Variants in RALGPS2 observed in about 807,000 individuals in gnomAD.
RALGPS2 encodes Ral GEF with PH domain and SH3 binding motif 2, also known as ras-specific guanine nucleotide-releasing factor RalGPS2.
In RALGPS2, 43 loss-of-function variants were observed where a neutral mutation model predicts 86.8. The ratio of observed to expected loss-of-function variants is 0.50; its 90% CI spans 0.39 to 0.64. The LOEUF is 0.64. RALGPS2 is among the 30% of genes least tolerant of loss of function. RALGPS2 has a pLI of 0.00. For synonymous variants in RALGPS2, 243 were observed against 231.3 expected (o/e 1.05, Z -0.46); for missense variants, 536 against 694.6 (o/e 0.77, Z 2.57).
intron 1 of RALGPS2, among the ~76,000 whole-genome samples, chr1:178,767,560 C>G (rs939159897): frequency 6.6e-6 from 1 of 152,032 alleles, no homozygotes; most frequent in South Asian, 2.1e-4. Flanking sequence ...ATGCAAAGGC[C>G]GTATCCTTGC....
chr1:178,891,192 CAT>C (rs540631314), intron 14 of RALGPS2, among the ~76,000 whole-genome samples: 43 of 152,072 alleles, frequency 2.8e-4, no homozygotes, highest in Middle Eastern at 3.4e-3. Context: ...GCTTTGCAGA[CAT>C]GTGTGGCTAA....
At chr1:178,889,079 G>A (rs1361036691) in intron 13 of RALGPS2, among the ~76,000 whole-genome samples, 2 of 151,882 alleles carry the variant, frequency 1.3e-5, no homozygotes, top group Non-Finnish European at 2.9e-5. Context: ...TCTGTTTGAA[G>A]ACCATTTTAT....
intron 2 of RALGPS2, among the ~76,000 whole-genome samples, chr1:178,778,134 A>G (rs1360206529): frequency 7.8e-6 from 1 of 128,094 alleles, no homozygotes; most frequent in Non-Finnish European, 1.6e-5. Context: ...AAATTTTCAC[A>G]ACCTACTCAT....
chr1:178,805,434 C>G (rs551674002), intron 4 of RALGPS2, among the ~76,000 whole-genome samples: 65 of 151,484 alleles, frequency 4.3e-4, no homozygotes, highest in African/African-American at 1.5e-3. Context: ...AGTCTTTAAT[C>G]CATCTTGAAT....
In RALGPS2 at chr1:178,728,321, A is replaced by G. The variant is rs183316985; in HGVS notation, c.-84+2902A>G. On this transcript the variant is annotated intron_variant, in intron 1 of 19. Transcript: ENST00000367635. The stretch of plus-strand genomic sequence containing the variant: ...TTAAATAACTTTTAAACCATAAACC[A>G]AACTATTAATTGAAATTTATTGAAT... Among the ~76,000 whole-genome samples, 193 of 152,198 alleles carry G rather than the reference A, an allele frequency of 1.3e-3. 2 individuals are homozygous for G. The highest frequency in any genetic ancestry group is 4.3e-3 in the African/African-American group (177 of 41,538).
At chr1:178,802,214 G>C (rs562274604) in intron 4 of RALGPS2, among the ~76,000 whole-genome samples, 1 of 151,848 alleles carries the variant, frequency 6.6e-6, no homozygotes, top group Non-Finnish European at 1.5e-5. Flanking sequence ...TATTCTTAAA[G>C]TAAGCTAGAA....
At chr1:178,781,693 A>G (rs1489110060) in intron 2 of RALGPS2, among the ~76,000 whole-genome samples, 2 of 152,224 alleles carry the variant, frequency 1.3e-5, no homozygotes, top group African/African-American at 2.4e-5. Flanking sequence ...AAAAACTTGG[A>G]GAAAATTACT....
chr1:178,732,262 A>G (rs1478397095), intron 1 of RALGPS2, among the ~76,000 whole-genome samples: 1 of 151,608 alleles, frequency 6.6e-6, no homozygotes, highest in African/African-American at 2.4e-5. Context: ...CACTTGAGAT[A>G]CATGGTTCTG....
intron 1 of RALGPS2, among the ~76,000 whole-genome samples, chr1:178,770,709 T>C (rs1652761833): frequency 6.6e-6 from 1 of 151,758 alleles, no homozygotes; most frequent in East Asian, 1.9e-4. Flanking sequence ...ACTCCTAATC[T>C]CAGGTGATCC....
At chr1:178,737,316 G>T (rs1314876073) in intron 1 of RALGPS2, among the ~76,000 whole-genome samples, 2 of 152,076 alleles carry the variant, frequency 1.3e-5, no homozygotes, top group African/African-American at 4.8e-5. Flanking sequence ...GCATGATCTT[G>T]GCTCACTGCA....
chr1:178,907,326 T>C (rs1183412313), intron 19 of RALGPS2, among the ~76,000 whole-genome samples: 3 of 152,182 alleles, frequency 2.0e-5, no homozygotes, highest in East Asian at 1.9e-4. Flanking sequence ...GCTAGTATAG[T>C]AGTCAGAGTA....
intron 19 of RALGPS2, 54 bp from the exon 20 acceptor site, chr1:178,916,276 T>C: frequency 7.1e-7 from 1 of 1,405,210 alleles, no homozygotes; most frequent in Non-Finnish European, 1.0e-6. Flanking sequence ...AGATAAGAAA[T>C]ACTCCTTTGA....
At chr1:178,874,336 T>G (rs542640884) in intron 8 of RALGPS2, among the ~76,000 whole-genome samples, 1 of 152,228 alleles carries the variant, frequency 6.6e-6, no homozygotes. Flanking sequence ...ATGTTAACTC[T>G]TCAAAATCTT....
At chr1:178,904,095 G>A (rs1189919521) in intron 18 of RALGPS2, among the ~76,000 whole-genome samples, 2 of 152,076 alleles carry the variant, frequency 1.3e-5, no homozygotes, top group South Asian at 4.1e-4. Flanking sequence ...GCATTTCCCT[G>A]ATCATTAGTG....
At chr1:178,751,234 G>A (rs1201210541) in intron 1 of RALGPS2, among the ~76,000 whole-genome samples, 1 of 151,956 alleles carries the variant, frequency 6.6e-6, no homozygotes, top group African/African-American at 2.4e-5. Flanking sequence ...TTTGCAAATA[G>A]CATTTCCTCG....
At chr1:178,743,002 G>A (rs1380398026) in intron 1 of RALGPS2, among the ~76,000 whole-genome samples, 1 of 152,174 alleles carries the variant, frequency 6.6e-6, no homozygotes, top group Admixed American at 6.5e-5. Flanking sequence ...GATCACTTAT[G>A]GCCAGGAGTT....
At chr1:178,747,023 C>T (rs1254590625) in intron 1 of RALGPS2, 12 of 906,216 alleles carry the variant, frequency 1.3e-5, no homozygotes, top group Non-Finnish European at 2.2e-5. Flanking sequence ...CATTTTGCTC[C>T]TTCTGTTATA....
At chr1:178,743,277 C>T (rs1351685593) in intron 1 of RALGPS2, among the ~76,000 whole-genome samples, 1 of 152,044 alleles carries the variant, frequency 6.6e-6, no homozygotes, top group Non-Finnish European at 1.5e-5. Context: ...AATTTATAGC[C>T]CTGAATGCCT....
At chr1:178,795,633 C>T (rs1558123292) in intron 4 of RALGPS2, among the ~76,000 whole-genome samples, 1 of 152,030 alleles carries the variant, frequency 6.6e-6, no homozygotes, top group South Asian at 2.1e-4. Context: ...AGGCTTGTCT[C>T]GAACACCTGA....
Sources: gnomAD v4.1 joint callset for allele counts (sites outside exome capture counted in the v4.1 genomes callset) on GRCh38, gnomAD v4.1.1 for gene constraint, MANE v1.5 for transcripts, NCBI Gene and HGNC (gene_info 2026-07-23, HGNC 2026-07-21) for gene names.